The following MCPH1 variants were observed in gnomAD, a reference collection of about 807,000 sequenced individuals.
MCPH1 encodes microcephalin 1, also known as microcephalin.
MCPH1 carries 104 observed loss-of-function variants against 84.5 expected under a neutral mutation model. That is an observed-to-expected ratio of 1.23 (90% CI 1.05 to 1.45). The LOEUF (loss-of-function observed/expected upper bound fraction) is 1.45. MCPH1 is among the 40% of genes most tolerant of loss of function. The probability of loss-of-function intolerance (pLI) is 0.00; values close to 1 mark genes in which losing one functional copy is unlikely to be tolerated. For synonymous variants in MCPH1, 514 were observed against 366.8 expected, an observed-to-expected ratio of 1.40 and a Z score of -4.58; for missense variants, 1,498 against 1,005.7, an observed-to-expected ratio of 1.49 and a Z score of -6.62.
intron 12 of MCPH1, among the ~76,000 whole-genome samples, chr8:6,506,228 C>T (rs1813703293): frequency 6.6e-6 from 1 of 151,786 alleles, no homozygotes; most frequent in South Asian, 2.1e-4. Context: ...AGGTCAGTGC[C>T]TTCTGGAGCT....
At position 6,576,682 on chromosome 8, in the gene MCPH1, A is replaced by ATT. The variant is rs58486084; in HGVS notation, c.2215-44728_2215-44727dup. ...GCCACCACGCTCTGCTAATTTTTGT[A>ATT]TTTTTTTTTTTTTTTTTTTTTTTTT... On this transcript the variant is annotated intron_variant, in intron 12 of 13. Coordinates refer to ENST00000344683, the MANE Select transcript of MCPH1 (RefSeq NM_024596.5). Among the ~76,000 whole-genome samples the ATT allele has an allele frequency of 4.0e-4, 17 of 42,348 alleles. 3 individuals carry two copies. Among genetic ancestry groups the ATT allele is most frequent in the South Asian group, 9.3e-4 (1 of 1,074 alleles). The allele number at this position is 42,348 out of a possible 152,430, so 27.8% of individuals were successfully genotyped here.
chr8:6,556,408 T>C (rs1322887774), intron 12 of MCPH1, among the ~76,000 whole-genome samples: 1 of 152,182 alleles, frequency 6.6e-6, no homozygotes, highest in Non-Finnish European at 1.5e-5. Flanking sequence ...ATTTTCCTTT[T>C]ATAAAAGGGT....
chr8:6,417,886 A>G (rs1445793214), intron 3 of MCPH1, among the ~76,000 whole-genome samples: 2 of 152,168 alleles, frequency 1.3e-5, no homozygotes, highest in East Asian at 3.9e-4. Context: ...GCACGTTGTA[A>G]ATACTATGTA....
chr8:6,589,825 A>T (rs1423473989), intron 12 of MCPH1, among the ~76,000 whole-genome samples: 1 of 152,216 alleles, frequency 6.6e-6, no homozygotes, highest in Non-Finnish European at 1.5e-5. Context: ...GTATACCTGA[A>T]TTGTCATAAA....
intron 12 of MCPH1, among the ~76,000 whole-genome samples, chr8:6,611,200 A>G (rs1450920754): frequency 1.3e-5 from 2 of 152,112 alleles, no homozygotes; most frequent in African/African-American, 2.4e-5. Flanking sequence ...ATGCCAAACA[A>G]TTCTGCAGTT....
chr8:6,439,607 T>A (rs2440418), intron 6 of MCPH1, among the ~76,000 whole-genome samples: 13 of 151,906 alleles, frequency 8.6e-5, no homozygotes, highest in African/African-American at 3.1e-4. Context: ...ATGTTGGCCA[T>A]GCTGGTCTTA....
chr8:6,485,171 A>T (rs894361875), intron 11 of MCPH1, among the ~76,000 whole-genome samples: 1 of 152,090 alleles, frequency 6.6e-6, no homozygotes, highest in African/African-American at 2.4e-5. Context: ...CTAAAAATAG[A>T]AAAATTAGCT....
intron 12 of MCPH1, among the ~76,000 whole-genome samples, chr8:6,608,208 A>C (rs1259347086): frequency 6.6e-6 from 1 of 152,222 alleles, no homozygotes; most frequent in African/African-American, 2.4e-5. Flanking sequence ...AGCTGAGCAC[A>C]GTGAAAACAA....
intron 12 of MCPH1, among the ~76,000 whole-genome samples, chr8:6,606,115 C>T (rs1829755381): frequency 6.6e-6 from 1 of 152,186 alleles, no homozygotes; most frequent in African/African-American, 2.4e-5. Flanking sequence ...TTCAGTGGCT[C>T]CTGTAGGCAG....
At chr8:6,605,432 G>A (rs942658468) in intron 12 of MCPH1, among the ~76,000 whole-genome samples, 5 of 152,120 alleles carry the variant, frequency 3.3e-5, no homozygotes, top group South Asian at 2.1e-4. Flanking sequence ...AGTGTTATGC[G>A]ATGGGAGTTT....
At chr8:6,553,988 C>G (rs1486003754) in intron 12 of MCPH1, among the ~76,000 whole-genome samples, 1 of 151,914 alleles carries the variant, frequency 6.6e-6, no homozygotes, top group Admixed American at 6.6e-5. Flanking sequence ...CTGTTAGTGA[C>G]ATAGAGAGAC....
chr8:6,498,096 C>T (rs1046778469), intron 11 of MCPH1, among the ~76,000 whole-genome samples: 2 of 152,196 alleles, frequency 1.3e-5, no homozygotes, highest in African/African-American at 2.4e-5. Flanking sequence ...TATTTAAATT[C>T]ATCAGCAAGG....
chr8:6,523,744 C>T (rs926063052), intron 12 of MCPH1, among the ~76,000 whole-genome samples: 13 of 152,136 alleles, frequency 8.5e-5, no homozygotes, highest in African/African-American at 1.4e-4. Context: ...TGTGCCACCA[C>T]GCCCAGCTAA....
chr8:6,500,264 A>T (rs1301215423), intron 12 of MCPH1: 1 of 318,222 alleles, frequency 3.1e-6, no homozygotes, highest in Non-Finnish European at 6.1e-6. Flanking sequence ...TAATAGAAAT[A>T]GAACTGATAG....
chr8:6,615,901 TAA>T (rs962576309), intron 12 of MCPH1: 1 of 152,084 alleles, frequency 6.6e-6, no homozygotes, highest in African/African-American at 2.4e-5. Context: ...CAGGATTCAG[TAA>T]AGTTATTGAT....
intron 9 of MCPH1, among the ~76,000 whole-genome samples, chr8:6,469,301 A>G (rs1421560730): frequency 2.0e-5 from 3 of 152,362 alleles, no homozygotes; most frequent in East Asian, 3.9e-4. Flanking sequence ...ATTTAATGCT[A>G]TAGCTTATTA....
chr8:6,419,504 T>G (rs1286224528), intron 3 of MCPH1, among the ~76,000 whole-genome samples: 1 of 151,900 alleles, frequency 6.6e-6, no homozygotes, highest in Non-Finnish European at 1.5e-5. Flanking sequence ...GCCATTCTCC[T>G]GCCTCAGCCT....
intron 8 of MCPH1, among the ~76,000 whole-genome samples, chr8:6,452,091 T>TC (rs1396906282): frequency 6.6e-6 from 1 of 152,230 alleles, no homozygotes; most frequent in Non-Finnish European, 1.5e-5. Context: ...CTTTTCATCG[T>TC]CCACTTCTTC....
chr8:6,420,312 A>G (rs1168389429), intron 3 of MCPH1, among the ~76,000 whole-genome samples: 2 of 151,134 alleles, frequency 1.3e-5, no homozygotes, highest in Non-Finnish European at 2.9e-5. Flanking sequence ...GACTTCTTTT[A>G]CCTGTGCTTC....
Sources: allele counts gnomAD v4.1 joint callset (sites outside exome capture counted in the v4.1 genomes callset), GRCh38; gene constraint gnomAD v4.1.1; transcripts MANE v1.5; gene names NCBI Gene and HGNC (gene_info 2026-07-23, HGNC 2026-07-21).